Variants in CTNNA2 observed in about 807,000 individuals in gnomAD.
CTNNA2 encodes catenin alpha 2.
CTNNA2 carries 42 observed loss-of-function variants against 101.0 expected under a neutral mutation model. That is an observed-to-expected ratio of 0.42 (90% CI 0.32 to 0.54). CTNNA2 has a LOEUF of 0.54. CTNNA2 is among the 20% of genes least tolerant of loss of function. CTNNA2 has a pLI of 0.14. For synonymous variants in CTNNA2, 450 were observed against 456.4 expected (o/e 0.99, Z 0.18); for missense variants, 871 against 1,223.1 (o/e 0.71, Z 4.29).
intron 7 of CTNNA2, among the ~76,000 whole-genome samples, chr2:79,973,082 GT>G (rs917886206): frequency 1.6e-4 from 24 of 150,708 alleles, no homozygotes; most frequent in East Asian, 1.2e-3. Context: ...AAAACAATCC[GT>G]TTTTTTTTAA....
At chr2:79,799,655 T>C (rs1326553227) in intron 3 of CTNNA2, among the ~76,000 whole-genome samples, 1 of 152,196 alleles carries the variant, frequency 6.6e-6, no homozygotes, top group East Asian at 1.9e-4. Flanking sequence ...AAAAGAGCTA[T>C]TACCGTAGGC....
chr2:79,669,792 G>A (rs1682699342), intron 2 of CTNNA2, among the ~76,000 whole-genome samples: 2 of 152,164 alleles, frequency 1.3e-5, no homozygotes, highest in Non-Finnish European at 2.9e-5. Context: ...CTCTGGCCAT[G>A]CTCTGCCCTG....
chr2:79,989,456 TATACAA>T (rs1244630931), intron 7 of CTNNA2, among the ~76,000 whole-genome samples: 1 of 151,674 alleles, frequency 6.6e-6, no homozygotes, highest in Non-Finnish European at 1.5e-5. Flanking sequence ...AAATCCCGTC[TATACAA>T]AAACAAACAA....
chr2:79,527,561 CTTG>C lies in CTNNA2; in HGVS notation c.-6+14355_-6+14357del. Among the ~76,000 whole-genome samples the C allele has an allele frequency of 3.3e-5, 5 of 150,482 alleles. No individual in the cohort carries two copies. The South Asian group carries it at 1.1e-3, about 32-fold the overall frequency. On this transcript the variant is annotated intron_variant, in intron 1 of 18. Coordinates refer to ENST00000402739, the MANE Select transcript of CTNNA2 (RefSeq NM_001282597.3). ...TCAGGAGACTGAGGCAGGAGAATAG[CTTG>C]AACCCAGGAGGCGGAGGCTGCAGTG... is the stretch of plus-strand genomic sequence containing the variant.
At chr2:79,426,585 A>G (rs1678594417) in intron 4 of CTNNA2, among the ~76,000 whole-genome samples, 1 of 152,170 alleles carries the variant, frequency 6.6e-6, no homozygotes, top group Non-Finnish European at 1.5e-5. Flanking sequence ...TTAATTCATT[A>G]GACATGCATT....
chr2:79,280,663 A>AAGGGAG (rs1675345966), intron 2 of CTNNA2, among the ~76,000 whole-genome samples: 1 of 49,348 alleles, frequency 2.0e-5, no homozygotes, highest in African/African-American at 9.1e-5. Flanking sequence ...GTGTAAGAGA[A>AAGGGAG]AGAGAGAGAG....
At chr2:79,755,583 G>A (rs941078874) in intron 3 of CTNNA2, among the ~76,000 whole-genome samples, 3 of 152,066 alleles carry the variant, frequency 2.0e-5, no homozygotes, top group African/African-American at 7.2e-5. Context: ...AATTCCCTGC[G>A]TGGGTATGGG....
chr2:79,908,503 G>T (rs896993551), intron 6 of CTNNA2, among the ~76,000 whole-genome samples: 3 of 152,106 alleles, frequency 2.0e-5, no homozygotes, highest in Non-Finnish European at 2.9e-5. Context: ...ATTGTGGAAT[G>T]AACTTCTTTG....
At chr2:80,025,742 C>T (rs1359439188) in intron 7 of CTNNA2, among the ~76,000 whole-genome samples, 4 of 152,130 alleles carry the variant, frequency 2.6e-5, no homozygotes, top group Non-Finnish European at 1.5e-5. Context: ...ACAGCTTGTG[C>T]TCTCAGTTGT....
chr2:80,422,889 C>T (rs1396112902), intron 9 of CTNNA2, among the ~76,000 whole-genome samples: 1 of 142,266 alleles, frequency 7.0e-6, no homozygotes, highest in African/African-American at 3.1e-5. Context: ...GGTTTAAAAT[C>T]ATATGACTAT....
intron 1 of CTNNA2, among the ~76,000 whole-genome samples, chr2:79,563,569 G>C (rs1674927270): frequency 6.6e-6 from 1 of 152,004 alleles, no homozygotes; most frequent in Non-Finnish European, 1.5e-5. Context: ...GGGTGGGGCA[G>C]GTTCCATATT....
intron 2 of CTNNA2, among the ~76,000 whole-genome samples, chr2:79,244,620 A>T (rs1451188504): frequency 6.6e-6 from 1 of 152,204 alleles, no homozygotes; most frequent in African/African-American, 2.4e-5. Flanking sequence ...ATGCAAACCC[A>T]TCACTTTTGA....
At position 79,611,697 on chromosome 2, in the gene CTNNA2, G is replaced by A. The variant is rs113957180; in HGVS notation, c.-5-39855G>A. On this transcript the variant is annotated intron_variant, in intron 1 of 18. Transcript: ENST00000402739. ...GTTTGAAGAGGAAATTGCAATGCGT[G>A]TTCTGTTTGCCTAGCTTTCCTGCAG... Among the ~76,000 whole-genome samples the A allele has an allele frequency of 7.2e-3, 1,097 of 152,180 alleles. 20 individuals carry two copies. The highest frequency in any genetic ancestry group is 0.025 in the African/African-American group (1,053 of 41,512).
At chr2:80,075,621 T>TTATA (rs1558783435) in intron 7 of CTNNA2, among the ~76,000 whole-genome samples, 5 of 63,052 alleles carry the variant, frequency 7.9e-5, no homozygotes, top group Non-Finnish European at 8.9e-5. Flanking sequence ...TGTATAAATA[T>TTATA]AAATATTTAT....
At chr2:79,410,855 G>A (rs1235610520) in intron 4 of CTNNA2, among the ~76,000 whole-genome samples, 1 of 151,978 alleles carries the variant, frequency 6.6e-6, no homozygotes, top group East Asian at 1.9e-4. Flanking sequence ...CTATTGATTG[G>A]AATAGTTTCA....
At chr2:80,058,824 T>C (rs1697394701) in intron 7 of CTNNA2, among the ~76,000 whole-genome samples, 1 of 152,066 alleles carries the variant, frequency 6.6e-6, no homozygotes, top group African/African-American at 2.4e-5. Context: ...AGTCATGGGG[T>C]TCCTCCTGAT....
chr2:79,863,113 G>A (rs1437135563), intron 4 of CTNNA2, among the ~76,000 whole-genome samples: 1 of 150,810 alleles, frequency 6.6e-6, no homozygotes, highest in African/African-American at 2.4e-5. Context: ...CACAAAAGAG[G>A]AAATTCTCTT....
In CTNNA2 at chr2:80,308,584, C is replaced by T. The variant is rs145963045; in HGVS notation, c.1057-84627C>T. 2.9e-3 allele frequency among the ~76,000 whole-genome samples: 441 copies of T among 152,038 alleles called. 2 individuals are homozygous for T. The highest frequency in any genetic ancestry group is 0.01 in the African/African-American group (417 of 41,458). On this transcript the variant is annotated intron_variant, in intron 7 of 18. Coordinates refer to ENST00000402739, the MANE Select transcript of CTNNA2 (RefSeq NM_001282597.3). ...GCATGGAGAGGCTGAGGGTGGGGGC[C>T]CCAAGGCTGCTCTCAGGAGATCCAC...
At chr2:79,359,768 G>C (rs944284978) in intron 3 of CTNNA2, among the ~76,000 whole-genome samples, 2 of 151,894 alleles carry the variant, frequency 1.3e-5, no homozygotes, top group African/African-American at 4.8e-5. Flanking sequence ...TAAACCTAGA[G>C]CTCTTGACTC....
Sources: gnomAD v4.1 joint callset for allele counts (sites outside exome capture counted in the v4.1 genomes callset) on GRCh38, gnomAD v4.1.1 for gene constraint, MANE v1.5 for transcripts, NCBI Gene and HGNC (gene_info 2026-07-23, HGNC 2026-07-21) for gene names.